The following CCHCR1 variants were observed in gnomAD, a reference collection of about 807,000 sequenced individuals.
The protein encoded by CCHCR1 is HCR (a-helix coiled-coil rod homologue).
In CCHCR1, 91 loss-of-function variants were observed where a neutral mutation model predicts 114.6. The ratio of observed to expected loss-of-function variants is 0.79; its 90% CI spans 0.67 to 0.94. CCHCR1 has a LOEUF of 0.94. CCHCR1 is among the 40% of genes least tolerant of loss of function. CCHCR1 has a pLI of 0.00. For missense variants in CCHCR1, 899 were observed against 1,079.9 expected, an observed-to-expected ratio of 0.83 and a Z score of 2.35; for synonymous variants, 379 against 428.5, an observed-to-expected ratio of 0.88 and a Z score of 1.43.
chr6:31,142,654 C>G lies in CCHCR1; in HGVS notation c.2554G>C (p.Ala852Pro). 1.2e-6 allele frequency: 2 copies of G among 1,613,520 alleles called. No individual in the cohort carries two copies. The highest frequency in any genetic ancestry group is 1.7e-6 in the Non-Finnish European group (2 of 1,179,966). Residue 852 changes from alanine (A) to proline (P), a missense_variant, in exon 18 of 18, where the codon GCT becomes CCT. By Grantham distance (27) the Ala-to-Pro change is conservative. Coordinates refer to ENST00000396268, the MANE Select transcript of CCHCR1 (RefSeq NM_001105564.2). The stretch of plus-strand genomic sequence containing the variant: ...TCAAGGTTGTCTCCTTGACAAACAG[C>G]TTCCTCTTTGGAAATGGCTTCACTC... ...DLSEAISKEE[A>P]VCQGDNLDRC... is the part of the protein sequence containing the mutation.
At position 31,145,301 on chromosome 6, in the gene CCHCR1, AG is replaced by A; in HGVS notation, c.1740del (p.Cys581ValfsTer10). ...KLALAQLRQE[S>X]CPLPPPVTDV... is the part of the protein sequence containing the mutation. ...TCTGTGACCGGTGGTGGTAGGGGACAGCTGGGACGGGGAAGAGAAAGAGTCA... is the reference window on the plus strand; with the variant it reads ...TCTGTGACCGGTGGTGGTAGGGGACACTGGGACGGGGAAGAGAAAGAGTCA... On this transcript the variant is annotated frameshift_variant and splice_region_variant, in exon 13 of 18. Coordinates refer to ENST00000396268, the MANE Select transcript of CCHCR1 (RefSeq NM_001105564.2). LOFTEE classifies it high-confidence loss of function. 1 of 1,613,970 alleles carries A rather than the reference AG, an allele frequency of 6.2e-7. No individual in the cohort carries two copies. The highest frequency in any genetic ancestry group is 1.3e-5 in the African/African-American group (1 of 75,040).
chr6:31,144,928 A>G lies in CCHCR1; in HGVS notation c.2022T>C (p.Ser674=). 1 of 1,612,862 alleles carries G rather than the reference A, an allele frequency of 6.2e-7. No individual in the cohort carries two copies. Among genetic ancestry groups the G allele is most frequent in the Non-Finnish European group, 8.5e-7 (1 of 1,179,968 alleles). The stretch of plus-strand genomic sequence containing the variant: ...GCTGCTGGGTCAGCTCCTGCCGCAG[A>G]CTGGCAGCCTCCTCTGTGCTCTCCT... ...GQQESTEEAA[S]LRQELTQQQE... is the part of the protein sequence containing the mutation. Residue 674 remains serine, a synonymous_variant, in exon 14 of 18, where the codon AGT becomes AGC. Transcript: ENST00000396268. The surrounding 1 kb of genome is among the most constrained non-coding windows in gnomAD (Gnocchi z 4.6).
In CCHCR1 at chr6:31,145,056, G is replaced by A. The variant is rs1476690538; in HGVS notation, c.1894C>T (p.Gln632Ter). The A allele has an allele frequency of 3.1e-6, 5 of 1,601,284 alleles. No individual in the cohort carries two copies. Among genetic ancestry groups the A allele is most frequent in the Non-Finnish European group, 3.4e-6 (4 of 1,177,620 alleles). Residue 632 changes from glutamine to a stop codon, truncating the protein, a stop_gained, in exon 14 of 18, where the codon CAG becomes TAG. Transcript: ENST00000396268. LOFTEE classifies it high-confidence loss of function. ...AGCTGCTGGGCCACCTTGCTCAGCT[G>A]CTGCCGCTCTGCCTCCCCTAAAAGG... ...AREQGEAERQ[Q>*]LSKVAQQLEQ...
chr6:31,143,049 T>G lies in CCHCR1; in HGVS notation c.2405A>C (p.Lys802Thr). ...AGGCCTGGGGCTGGACACCACAGAT[T>G]TCTTCTTATCCAGTAGGGAAGGAAG... Reference protein sequence around the residue: ...TVLPSLLDKKKSVVSSPRPPE... With the variant: ...TVLPSLLDKKTSVVSSPRPPE... The change falls in exon 17 of 18, where the codon AAA becomes ACA. Residue 802 changes from lysine (K) to threonine (T), a missense_variant. Transcript: ENST00000396268. The surrounding 1 kb of genome is among the most constrained non-coding windows in gnomAD (Gnocchi z 5.3). 6.2e-7 allele frequency: 1 copy of G among 1,613,066 alleles called. No homozygotes were observed. The highest frequency in any genetic ancestry group is 8.5e-7 in the Non-Finnish European group (1 of 1,180,020).
Position 31,154,052 on chromosome 6 carries a change from G to A in CCHCR1, c.801+444C>T, listed in dbSNP as rs893227875. 1.3e-5 allele frequency among the ~76,000 whole-genome samples: 2 copies of A among 152,082 alleles called. No homozygotes were observed. Among genetic ancestry groups the A allele is most frequent in the South Asian group, 2.1e-4 (1 of 4,830 alleles). On this transcript the variant is annotated intron_variant, in intron 4 of 17. Coordinates refer to ENST00000396268, the MANE Select transcript of CCHCR1 (RefSeq NM_001105564.2). This position sits in a 1 kb window ranked among gnomAD's most constrained non-coding sequence, Gnocchi z 4.1. The stretch of plus-strand genomic sequence containing the variant: ...CCACGAGGCTGTCAGTTCCATCCAC[G>A]AAGGCAGGACTCAGGCTAATTTGGT...
chr6:31,154,464 T>A lies in CCHCR1; in HGVS notation c.801+32A>T. ...GAAGCTACTGCCCAGCTCTCCGTTA[T>A]GAATTTGAATCCTTTCTACCCCTGC... is the stretch of plus-strand genomic sequence containing the variant. On this transcript the variant is annotated intron_variant, in intron 4 of 17. Coordinates refer to ENST00000396268, the MANE Select transcript of CCHCR1 (RefSeq NM_001105564.2). The surrounding 1 kb of genome is among the most constrained non-coding windows in gnomAD (Gnocchi z 4.1). The A allele has an allele frequency of 6.4e-7, 1 of 1,568,914 alleles. No individual in the cohort carries two copies. Among genetic ancestry groups the A allele is most frequent in the Non-Finnish European group, 8.7e-7 (1 of 1,144,556 alleles).
chr6:31,147,160 G>A (rs964304594), intron 10 of CCHCR1, among the ~76,000 whole-genome samples: 1 of 152,100 alleles, frequency 6.6e-6, no homozygotes, highest in South Asian at 2.1e-4. Context: ...CAGCACTTTG[G>A]GAGGCCGAGG....
chr6:31,156,283 GA>G (rs1316857679), intron 3 of CCHCR1: 2 of 166,206 alleles, frequency 1.2e-5, no homozygotes, highest in Admixed American at 6.4e-5. Context: ...GTACATCTGG[GA>G]AAAGACACAT....
rs1773922006 is a variant in CCHCR1 at position 31,143,891 on chromosome 6, T to A, written c.2168-478A>T. 6.6e-6 allele frequency among the ~76,000 whole-genome samples: 1 copy of A among 152,092 alleles called. No homozygotes were observed. Among genetic ancestry groups the A allele is most frequent in the African/African-American group, 2.4e-5 (1 of 41,422 alleles). ...CTGGCCAACATGGTGTAATCCCGTCTCTACTGCAAATACAAAAACTAGCTG... is the reference window on the plus strand; with the variant it reads ...CTGGCCAACATGGTGTAATCCCGTCACTACTGCAAATACAAAAACTAGCTG... On this transcript the variant is annotated intron_variant, in intron 15 of 17. Coordinates refer to ENST00000396268, the MANE Select transcript of CCHCR1 (RefSeq NM_001105564.2). This position sits in a 1 kb window ranked among gnomAD's most constrained non-coding sequence, Gnocchi z 5.3.
chr6:31,158,022 G>T (rs720467), upstream of CCHCR1: 1,176 of 243,762 alleles, frequency 4.8e-3, 17 homozygotes, highest in Middle Eastern at 0.028. Flanking sequence ...CAGTTAGCCC[G>T]TGAGCTCTAA....
Position 31,154,787 on chromosome 6 carries a change from C to G in CCHCR1, c.510G>C (p.Leu170=), listed in dbSNP as rs144885162. 35,544 of 1,603,194 alleles carry G rather than the reference C, an allele frequency of 0.022. 468 individuals carry two copies. The highest frequency in any genetic ancestry group is 0.027 in the Non-Finnish European group (31,257 of 1,179,300). ...EPGRRGRSWG[L]EGSQALSQQA... ...GCTGGCTCAGGGCCTGTGACCCCTC[C>G]AGCCCCCAGGACCTTCAAAGACAGG... is the stretch of plus-strand genomic sequence containing the variant. The change falls in exon 4 of 18, where the codon CTG becomes CTC. Residue 170 remains leucine (L), a synonymous_variant. Coordinates refer to ENST00000396268, the MANE Select transcript of CCHCR1 (RefSeq NM_001105564.2). This position sits in a 1 kb window ranked among gnomAD's most constrained non-coding sequence, Gnocchi z 4.1.
In CCHCR1 at chr6:31,153,218, C is replaced by T. The variant is rs148124570; in HGVS notation, c.801+1278G>A. 6.6e-4 allele frequency among the ~76,000 whole-genome samples: 99 copies of T among 150,828 alleles called. 1 individual carries two copies. Among genetic ancestry groups the T allele is most frequent in the African/African-American group, 2.3e-3 (93 of 41,010 alleles). On this transcript the variant is annotated intron_variant, in intron 4 of 17. Coordinates refer to ENST00000396268, the MANE Select transcript of CCHCR1 (RefSeq NM_001105564.2). Reference sequence around the variant, plus strand: ...TTAACTCCTGGCCTCAAGTGATCCGCCCACCTCGGCCTCCCAAAGTGCTGG... The same window carrying T: ...TTAACTCCTGGCCTCAAGTGATCCGTCCACCTCGGCCTCCCAAAGTGCTGG...
Position 31,150,231 on chromosome 6 carries a change from T to A in CCHCR1, c.1213-16A>T. 6.2e-7 allele frequency: 1 copy of A among 1,612,704 alleles called. No individual in the cohort carries two copies. The highest frequency in any genetic ancestry group is 8.5e-7 in the Non-Finnish European group (1 of 1,179,476). ...AAGGTTGAACCTGAGGGAGAAGGAGTGGGAGAAAAGTGTGGGCTCCTGGGG... is the reference window on the plus strand; with the variant it reads ...AAGGTTGAACCTGAGGGAGAAGGAGAGGGAGAAAAGTGTGGGCTCCTGGGG... On this transcript the variant is annotated splice_polypyrimidine_tract_variant and intron_variant, in intron 7 of 17. Transcript: ENST00000396268. This position sits in a 1 kb window ranked among gnomAD's most constrained non-coding sequence, Gnocchi z 5.3.
chr6:31,148,828 C>A, intron 8 of CCHCR1, 100 bp from the exon 9 acceptor site: 3 of 85,936 alleles, frequency 3.5e-5, no homozygotes, highest in South Asian at 4.9e-4. Flanking sequence ...GTAAGAATGC[C>A]ATGCAGGGGC....
In CCHCR1 at chr6:31,150,889, A is replaced by G. The variant is rs781640065; in HGVS notation, c.966-29T>C. 1 of 1,611,840 alleles carries G rather than the reference A, an allele frequency of 6.2e-7. No individual in the cohort carries two copies. The highest frequency in any genetic ancestry group is 8.5e-7 in the Non-Finnish European group (1 of 1,179,336). ...GGGTTGGGGTGGGAATGGGACAGCC[A>G]TCAGTGGGGCGCCCTGCAGATCCAC... On this transcript the variant is annotated intron_variant, in intron 5 of 17. Coordinates refer to ENST00000396268, the MANE Select transcript of CCHCR1 (RefSeq NM_001105564.2). The surrounding 1 kb of genome is among the most constrained non-coding windows in gnomAD (Gnocchi z 5.3).
rs186492531 is a variant in CCHCR1, at chr6:31,157,768, A to C, written c.-168T>G. On this transcript the variant is annotated 5_prime_UTR_variant, in exon 1 of 18. Coordinates refer to ENST00000396268, the MANE Select transcript of CCHCR1 (RefSeq NM_001105564.2). The stretch of plus-strand genomic sequence containing the variant: ...CCTGCTGCCCGCCTCCTCTTTCTCG[A>C]GTCCTAACACATAGTGGGCACTTTA... The C allele has an allele frequency of 3.1e-3, 1,888 of 614,430 alleles. 12 individuals carry two copies. Among genetic ancestry groups the C allele is most frequent in the Non-Finnish European group, 4.7e-3 (1,648 of 348,908 alleles). 38.1% of individuals were successfully genotyped at this position (614,430 alleles called of 1,614,324 possible).
chr6:31,142,734 A>G lies in CCHCR1; in HGVS notation c.2492-18T>C. 6.2e-7 allele frequency: 1 copy of G among 1,600,262 alleles called. No homozygotes were observed. The highest frequency in any genetic ancestry group is 8.5e-7 in the Non-Finnish European group (1 of 1,172,620). ...GAGGGACCCTGGGAAGGAAGACAGC[A>G]GATGAGCACCAGACAAGGGAAGGTG... On this transcript the variant is annotated intron_variant, in intron 17 of 17. Transcript: ENST00000396268.
chr6:31,157,139 T>C, intron 1 of CCHCR1, 50 bp from the exon 2 acceptor site: 1 of 1,459,518 alleles, frequency 6.9e-7, no homozygotes, highest in South Asian at 1.2e-5. Flanking sequence ...TCAGGCCACC[T>C]TCCAAAGAGA....
chr6:31,143,299 C>T lies in CCHCR1; in HGVS notation c.2282G>A (p.Arg761His), dbSNP rs112520959. The change falls in exon 16 of 18, where the codon CGC (arginine) becomes CAC (histidine). Residue 761 changes from arginine to histidine, a missense_variant. Arg to His is a conservative substitution (Grantham distance 29, BLOSUM62 0). Coordinates refer to ENST00000396268, the MANE Select transcript of CCHCR1 (RefSeq NM_001105564.2). The surrounding 1 kb of genome is among the most constrained non-coding windows in gnomAD (Gnocchi z 5.3). Reference protein sequence around the residue: ...RKEEGQRLARRLQELERDKNL... With the variant: ...RKEEGQRLARHLQELERDKNL... Reference sequence around the variant, plus strand: ...CTTATCCCTCTCTAGCTCCTGCAAGCGCCGGGCCAGTCGCTGCCCCTCCTC... The same window carrying T: ...CTTATCCCTCTCTAGCTCCTGCAAGTGCCGGGCCAGTCGCTGCCCCTCCTC... The T allele has an allele frequency of 2.8e-4, 445 of 1,612,840 alleles. No individual in the cohort carries two copies. Among genetic ancestry groups the T allele is most frequent in the Non-Finnish European group, 3.6e-4 (422 of 1,180,010 alleles).
Sources: gnomAD v4.1 joint callset for allele counts (sites outside exome capture counted in the v4.1 genomes callset) on GRCh38, gnomAD v4.1.1 for gene constraint, Gnocchi (gnomAD v3.1) non-coding constraint, MANE v1.5 for transcripts, NCBI Gene and HGNC (gene_info 2026-07-23, HGNC 2026-07-21) for gene names.